Variants in UBE2E1 observed in about 807,000 individuals in gnomAD.
The protein encoded by UBE2E1 is ubiquitin conjugating enzyme E2 E1.
A neutral mutation model predicts 21.4 loss-of-function variants in UBE2E1; 6 were observed. That is an observed-to-expected ratio of 0.28 (90% CI 0.15 to 0.55). The LOEUF is 0.55. Ranked by LOEUF, UBE2E1 falls within the 20% of genes least tolerant of loss-of-function variation. The pLI is 0.93. For missense variants in UBE2E1, 142 were observed against 236.5 expected (o/e 0.60, Z 2.62); for synonymous variants, 87 against 82.7 (o/e 1.05, Z -0.28).
rs72627010 is a variant in UBE2E1, at chr3:23,838,223, A to G, written c.203+26713A>G. On this transcript the variant is annotated intron_variant, in intron 3 of 5. Transcript: ENST00000306627. Reference sequence around the variant, plus strand: ...GCTGGGACTATAAACGTGAGCCACCACACCTGGTTAATTTTTGAACTTCTT... The same window carrying G: ...GCTGGGACTATAAACGTGAGCCACCGCACCTGGTTAATTTTTGAACTTCTT... Among the ~76,000 whole-genome samples the G allele has an allele frequency of 3.5e-3, 539 of 152,118 alleles. 10 individuals carry two copies. In the East Asian group the frequency reaches 0.044, roughly 13 times the overall value.
rs1405965092 is a variant in UBE2E1, at chr3:23,810,644, G to C, written c.153-816G>C. 1 of 995,140 alleles carries C rather than the reference G, an allele frequency of 1.0e-6. No individual in the cohort carries two copies. The highest frequency in any genetic ancestry group is 1.7e-5 in the South Asian group (1 of 58,128). The allele number at this position is 995,140 out of a possible 1,614,324, so 61.6% of individuals were successfully genotyped here. A position where few individuals can be genotyped will look rare whatever the true frequency, so the allele number is the denominator to read the frequency against. ...GTCTGTGGTGCCCGAGTGGCGGGCGGGGGTGTTCGCGCCCTGCTTTCGCGC... is the reference window on the plus strand; with the variant it reads ...GTCTGTGGTGCCCGAGTGGCGGGCGCGGGTGTTCGCGCCCTGCTTTCGCGC... On this transcript the variant is annotated intron_variant, in intron 2 of 5. Transcript: ENST00000306627. This position sits in a 1 kb window ranked among gnomAD's most constrained non-coding sequence, Gnocchi z 5.8.
At chr3:23,862,641 T>C (rs892887737) in intron 3 of UBE2E1, among the ~76,000 whole-genome samples, 3 of 152,248 alleles carry the variant, frequency 2.0e-5, no homozygotes, top group Non-Finnish European at 4.4e-5. Context: ...CCATTGTGCA[T>C]GGCAGAGGAA....
chr3:23,888,780 T>C (rs73825178), intron 4 of UBE2E1, among the ~76,000 whole-genome samples: 28,145 of 152,204 alleles, frequency 0.18, 2,616 homozygotes, highest in Non-Finnish European at 0.21. Flanking sequence ...AAAGCTTACT[T>C]TGAGGCAGTG....
At chr3:23,831,376 T>C (rs1699863103) in intron 3 of UBE2E1, among the ~76,000 whole-genome samples, 1 of 152,208 alleles carries the variant, frequency 6.6e-6, no homozygotes, top group South Asian at 2.1e-4. Flanking sequence ...TTTGGCCAGT[T>C]GTAAAACTCT....
At chr3:23,847,677 A>G (rs1700236790) in intron 3 of UBE2E1, among the ~76,000 whole-genome samples, 1 of 151,590 alleles carries the variant, frequency 6.6e-6, no homozygotes, top group Admixed American at 6.6e-5. Context: ...TCTAATTTTT[A>G]TTAGAGACGG....
chr3:23,889,803 T>C (rs771719457), intron 5 of UBE2E1: 51 of 977,838 alleles, frequency 5.2e-5, no homozygotes, highest in Non-Finnish European at 5.6e-5. Context: ...GGTGTCAGGA[T>C]TGTTTGAACC....
chr3:23,825,899 G>C (rs933606677), intron 3 of UBE2E1, among the ~76,000 whole-genome samples: 7 of 152,150 alleles, frequency 4.6e-5, no homozygotes, highest in African/African-American at 1.7e-4. Context: ...AGAGAAGGCA[G>C]GTGCAGTGGG....
intron 3 of UBE2E1, among the ~76,000 whole-genome samples, chr3:23,840,968 G>C (rs914499627): frequency 1.3e-5 from 2 of 152,196 alleles, no homozygotes; most frequent in African/African-American, 2.4e-5. Context: ...TGTTGTTTAA[G>C]TGGTAGGGCA....
chr3:23,814,630 G>A (rs1464013785), intron 3 of UBE2E1, among the ~76,000 whole-genome samples: 1 of 152,138 alleles, frequency 6.6e-6, no homozygotes, highest in Non-Finnish European at 1.5e-5. Context: ...ATTCCCTAAA[G>A]CGTGCCAGAT....
At chr3:23,852,717 C>T (rs561366752) in intron 3 of UBE2E1, among the ~76,000 whole-genome samples, 1 of 152,214 alleles carries the variant, frequency 6.6e-6, no homozygotes, top group Admixed American at 6.5e-5. Flanking sequence ...ACCTCAGCCT[C>T]CCCAGTAGCT....
In UBE2E1 at chr3:23,863,057, A is replaced by T. The variant is rs1490176329; in HGVS notation, c.204-24510A>T. On this transcript the variant is annotated intron_variant, in intron 3 of 5. Coordinates refer to ENST00000306627, the MANE Select transcript of UBE2E1 (RefSeq NM_003341.5). The surrounding 1 kb of genome is among the most constrained non-coding windows in gnomAD (Gnocchi z 4.3). ...GCTTTAATATTTCTTTGTTTGTTAA[A>T]AAAAAAAAAAAAAACTATTCCCAGC... Among the ~76,000 whole-genome samples the T allele has an allele frequency of 8.8e-4, 29 of 33,054 alleles. No individual in the cohort carries two copies. In the Admixed American group the frequency reaches 9.4e-3, roughly 11 times the overall value. 21.7% of individuals were successfully genotyped at this position (33,054 alleles called of 152,430 possible). A position where few individuals can be genotyped will look rare whatever the true frequency, so the allele number is the denominator to read the frequency against.
intron 3 of UBE2E1, among the ~76,000 whole-genome samples, chr3:23,878,127 A>G (rs924613639): frequency 7.9e-5 from 12 of 152,164 alleles, no homozygotes; most frequent in African/African-American, 2.9e-4. Context: ...GGCTTCCCCA[A>G]ATGGTAGTAC....
chr3:23,882,737 C>G (rs1461788935), intron 3 of UBE2E1, among the ~76,000 whole-genome samples: 1 of 152,242 alleles, frequency 6.6e-6, no homozygotes, highest in Non-Finnish European at 1.5e-5. Flanking sequence ...CAGGCTGGCA[C>G]TGCTGGGGGA....
chr3:23,818,325 T>C (rs1007712668), intron 3 of UBE2E1, among the ~76,000 whole-genome samples: 1 of 152,142 alleles, frequency 6.6e-6, no homozygotes, highest in Non-Finnish European at 1.5e-5. Flanking sequence ...TATATTTGAG[T>C]TTATTATTAA....
In UBE2E1 at chr3:23,810,881, C is replaced by G. The variant is rs1699375402; in HGVS notation, c.153-579C>G. ...CTGCGGTCTGGGCCTCCCGGGCACC[C>G]CGCCACGGCTGGCAGGTCACTCGGG... On this transcript the variant is annotated intron_variant, in intron 2 of 5. Transcript: ENST00000306627. This position sits in a 1 kb window ranked among gnomAD's most constrained non-coding sequence, Gnocchi z 5.8. 6.2e-6 allele frequency: 1 copy of G among 161,306 alleles called. No homozygotes were observed. The highest frequency in any genetic ancestry group is 2.4e-5 in the African/African-American group (1 of 41,794). The allele number at this position is 161,306 out of a possible 1,614,324, so 10.0% of individuals were successfully genotyped here.
chr3:23,862,787 G>A (rs1004189087), intron 3 of UBE2E1, among the ~76,000 whole-genome samples: 1 of 152,070 alleles, frequency 6.6e-6, no homozygotes, highest in Non-Finnish European at 1.5e-5. Context: ...ATGTAGTGGT[G>A]CCATCACGGC....
At chr3:23,831,770 C>A (rs1016252895) in intron 3 of UBE2E1, among the ~76,000 whole-genome samples, 2 of 151,814 alleles carry the variant, frequency 1.3e-5, no homozygotes, top group African/African-American at 4.8e-5. Flanking sequence ...GATCTCAGCT[C>A]AGTGCAACCT....
At chr3:23,844,173 A>G (rs964574261) in intron 3 of UBE2E1, among the ~76,000 whole-genome samples, 6 of 152,106 alleles carry the variant, frequency 3.9e-5, no homozygotes, top group Non-Finnish European at 8.8e-5. Context: ...CCCTTCCCCC[A>G]GTAAAGGTTG....
chr3:23,813,422 C>A (rs1247695414), intron 3 of UBE2E1, among the ~76,000 whole-genome samples: 1 of 152,122 alleles, frequency 6.6e-6, no homozygotes, highest in East Asian at 1.9e-4. Context: ...ATAGTAGTCC[C>A]AATATTCAGC....
Sources: allele counts gnomAD v4.1 joint callset (sites outside exome capture counted in the v4.1 genomes callset), GRCh38; gene constraint gnomAD v4.1.1; non-coding constraint Gnocchi (gnomAD v3.1); transcripts MANE v1.5; gene names NCBI Gene and HGNC (gene_info 2026-07-23, HGNC 2026-07-21).